Variants in MFHAS1 observed in about 807,000 individuals in gnomAD.
MFHAS1 encodes malignant fibrous histiocytoma-amplified sequence 1.
MFHAS1 carries 50 observed loss-of-function variants against 70.4 expected under a neutral mutation model. That is an observed-to-expected ratio of 0.71 (90% confidence interval 0.57 to 0.90). MFHAS1 has a LOEUF of 0.90. MFHAS1 is among the 40% of genes least tolerant of loss of function. The pLI is 0.00. For synonymous variants in MFHAS1, 952 were observed against 620.0 expected (o/e 1.54, Z -7.96); for missense variants, 1,795 against 1,347.6 (o/e 1.33, Z -5.20).
chr8:8,853,466 TAAA>T (rs58475480), intron 1 of MFHAS1, among the ~76,000 whole-genome samples: 6,359 of 120,116 alleles, frequency 0.053, 186 homozygotes, highest in African/African-American at 0.067. Context: ...TGCTCATTCT[TAAA>T]AAAAAAAAAA....
intron 1 of MFHAS1, among the ~76,000 whole-genome samples, chr8:8,846,119 G>A (rs895045029): frequency 2.6e-5 from 4 of 151,722 alleles, no homozygotes; most frequent in African/African-American, 9.7e-5. Context: ...TGGACATGGT[G>A]GCACGCATCT....
chr8:8,786,126 A>T, intron 2 of MFHAS1, 71 bp from the exon 3 acceptor site: 6 of 1,330,616 alleles, frequency 4.5e-6, no homozygotes, highest in Non-Finnish European at 6.5e-6. Context: ...CTCAATAAGA[A>T]AAGGAAGTGA....
intron 1 of MFHAS1, among the ~76,000 whole-genome samples, chr8:8,839,874 G>A (rs1335508364): frequency 1.3e-5 from 2 of 152,070 alleles, no homozygotes; most frequent in Non-Finnish European, 2.9e-5. Flanking sequence ...AACCTACCAT[G>A]CCTGGACTGT....
chr8:8,840,893 T>C (rs115787335), intron 1 of MFHAS1, among the ~76,000 whole-genome samples: 423 of 152,340 alleles, frequency 2.8e-3, no homozygotes, highest in African/African-American at 9.7e-3. Context: ...AAATATCTTA[T>C]AAATCCTTTA....
chr8:8,841,209 T>C (rs1329177334), intron 1 of MFHAS1, among the ~76,000 whole-genome samples: 10 of 152,116 alleles, frequency 6.6e-5, no homozygotes, highest in Non-Finnish European at 1.5e-4. Flanking sequence ...GCGTGGTGGC[T>C]CACAACCGTA....
chr8:8,886,443 C>T (rs1174827885), intron 1 of MFHAS1, among the ~76,000 whole-genome samples: 1 of 152,104 alleles, frequency 6.6e-6, no homozygotes, highest in Admixed American at 6.5e-5. Context: ...AAAGGGATTA[C>T]AGCCCTGAGC....
At chr8:8,866,715 C>T (rs1808871827) in intron 1 of MFHAS1, among the ~76,000 whole-genome samples, 1 of 152,198 alleles carries the variant, frequency 6.6e-6, no homozygotes, top group Non-Finnish European at 1.5e-5. Context: ...TTCTCATAAA[C>T]AGTGATTGAC....
chr8:8,794,737 T>C (rs923661002), intron 2 of MFHAS1, among the ~76,000 whole-genome samples: 1 of 152,214 alleles, frequency 6.6e-6, no homozygotes, highest in Non-Finnish European at 1.5e-5. Context: ...AGACTTTTTT[T>C]TTAACCTCTT....
Position 8,890,314 on chromosome 8 carries a change from C to G in MFHAS1, c.2745G>C (p.Gln915His). The change falls in exon 1 of 3, where the codon CAG (glutamine) becomes CAC (histidine). Residue 915 changes from glutamine (Q) to histidine (H), a missense_variant. Transcript: ENST00000276282. ...GAACTTTCCCTCTATAGGCAAAGAT[C>G]TGAAATTTACCATCCGACCTGTGCA... ...HVVHRSDGKFQIFAYRGKVPV... is the reference protein window; with the variant it reads ...HVVHRSDGKFHIFAYRGKVPV... 1.2e-6 allele frequency: 2 copies of G among 1,614,228 alleles called. No homozygotes were observed. Among genetic ancestry groups the G allele is most frequent in the South Asian group, 1.1e-5 (1 of 91,090 alleles).
rs1268880409 is a variant in MFHAS1 at position 8,892,997 on chromosome 8, C to T, written c.62G>A (p.Arg21His). The change falls in exon 1 of 3, where the codon CGT becomes CAT. Residue 21 changes from arginine to histidine, a missense_variant. Transcript: ENST00000276282. This position sits in a 1 kb window ranked among gnomAD's most constrained non-coding sequence, Gnocchi z 4.7. ...TARLWRDAALRARKLRSNLRQ... is the reference protein window; with the variant it reads ...TARLWRDAALHARKLRSNLRQ... ...CAGGTTGCTCCGCAGCTTCCTGGCA[C>T]GCAGGGCGGCGTCCCGCCACAGCCT... is the stretch of plus-strand genomic sequence containing the variant. 6.5e-7 allele frequency: 1 copy of T among 1,536,056 alleles called. No homozygotes were observed. Among genetic ancestry groups the T allele is most frequent in the East Asian group, 2.6e-5 (1 of 38,898 alleles).
At chr8:8,804,898 G>A (rs2117271648) in intron 1 of MFHAS1, among the ~76,000 whole-genome samples, 1 of 152,338 alleles carries the variant, frequency 6.6e-6, no homozygotes, top group Non-Finnish European at 1.5e-5. Flanking sequence ...ACTCCTGGCA[G>A]AAGACGATCG....
At chr8:8,868,721 A>G (rs377150011) in intron 1 of MFHAS1, among the ~76,000 whole-genome samples, 12 of 152,170 alleles carry the variant, frequency 7.9e-5, no homozygotes, top group East Asian at 3.9e-4. Flanking sequence ...CTCCTCTCAT[A>G]AAGTCGGTAG....
rs574223663 is a variant in MFHAS1 at position 8,809,316 on chromosome 8, G to T, written c.2999-11825C>A. On this transcript the variant is annotated intron_variant, in intron 1 of 2. Transcript: ENST00000276282. ...ACCATCCCACCAACCCCAGTCTGTG[G>T]TGCCGAACAAGGTTGGAGACAGCTG... 2.0e-5 allele frequency among the ~76,000 whole-genome samples: 3 copies of T among 152,282 alleles called. No homozygotes were observed. The South Asian group carries it at 6.2e-4, about 32-fold the overall frequency.
chr8:8,820,414 AAC>A (rs1445143998), intron 1 of MFHAS1, among the ~76,000 whole-genome samples: 1 of 152,164 alleles, frequency 6.6e-6, no homozygotes, highest in African/African-American at 2.4e-5. Flanking sequence ...CCATAAGCAT[AAC>A]TGCAACATTC....
chr8:8,851,752 T>G (rs1169791697), intron 1 of MFHAS1, among the ~76,000 whole-genome samples: 1 of 152,116 alleles, frequency 6.6e-6, no homozygotes, highest in Non-Finnish European at 1.5e-5. Context: ...TAAGAACAAA[T>G]ACAGGAAGTT....
intron 1 of MFHAS1, among the ~76,000 whole-genome samples, chr8:8,825,891 G>A (rs1203480322): frequency 2.0e-5 from 3 of 152,152 alleles, no homozygotes; most frequent in African/African-American, 4.8e-5. Context: ...TGGAGATTGT[G>A]TAATTAACTG....
chr8:8,892,901 G>A lies in MFHAS1; in HGVS notation c.158C>T (p.Ser53Phe), dbSNP rs763062527. 422 of 1,573,150 alleles carry A rather than the reference G, an allele frequency of 2.7e-4. No homozygotes were observed. Among genetic ancestry groups the A allele is most frequent in the Non-Finnish European group, 3.5e-4 (407 of 1,162,414 alleles). ...AGADALESPASPQLVLPANLG... is the reference protein window; with the variant it reads ...AGADALESPAFPQLVLPANLG... ...GTTGGCCGGCAGCACGAGCTGGGGGGAGGCGGGGGACTCGAGCGCGTCGGC... is the reference window on the plus strand; with the variant it reads ...GTTGGCCGGCAGCACGAGCTGGGGGAAGGCGGGGGACTCGAGCGCGTCGGC... The change falls in exon 1 of 3, where the codon TCC becomes TTC. Residue 53 changes from serine to phenylalanine, a missense_variant. Coordinates refer to ENST00000276282, the MANE Select transcript of MFHAS1 (RefSeq NM_004225.3). This position sits in a 1 kb window ranked among gnomAD's most constrained non-coding sequence, Gnocchi z 4.7.
In MFHAS1 at chr8:8,841,159, C is replaced by G. The variant is rs145653752; in HGVS notation, c.2999-43668G>C. ...AGATATTCTTCATGTGCTAAAAATA[C>G]CGATGGCGGGCTGTACTTCAAGACT... On this transcript the variant is annotated intron_variant, in intron 1 of 2. Transcript: ENST00000276282. 1.2e-3 allele frequency among the ~76,000 whole-genome samples: 185 copies of G among 152,298 alleles called. 1 individual carries two copies. The highest frequency in any genetic ancestry group is 2.5e-3 in the Admixed American group (38 of 15,290).
chr8:8,823,867 G>C (rs1227415052), intron 1 of MFHAS1, among the ~76,000 whole-genome samples: 1 of 133,214 alleles, frequency 7.5e-6, no homozygotes, highest in African/African-American at 2.8e-5. Context: ...GCGCTTCAAA[G>C]ATCTTAGCCA....
Sources: allele counts gnomAD v4.1 joint callset (sites outside exome capture counted in the v4.1 genomes callset), GRCh38; gene constraint gnomAD v4.1.1; non-coding constraint Gnocchi (gnomAD v3.1); transcripts MANE v1.5; gene names NCBI Gene and HGNC (gene_info 2026-07-23, HGNC 2026-07-21).